ACE: variants seen among roughly 807,000 people sequenced by gnomAD.
ACE encodes the protein angiotensin I converting enzyme.
ACE carries 122 observed loss-of-function variants against 162.3 expected under a neutral mutation model. The ratio of observed to expected loss-of-function variants is 0.75; its 90% CI spans 0.65 to 0.87. ACE has a LOEUF of 0.87. Ranked by LOEUF, ACE falls within the 40% of genes least tolerant of loss-of-function variation. The pLI is 0.00. For missense variants in ACE, 1,799 were observed against 1,735.1 expected, an observed-to-expected ratio of 1.04 and a Z score of -0.65; for synonymous variants, 796 against 720.6, an observed-to-expected ratio of 1.10 and a Z score of -1.68.
chr17:63,494,437 A>C lies in ACE; in HGVS notation c.3347A>C (p.Lys1116Thr). ...CAAGGTGACTTTGACCCAGGGGCCA[A>C]GTTCCACATTCCTTCTAGCGTGCCT... ...RTQGDFDPGA[K>T]FHIPSSVPYI... Residue 1116 changes from lysine to threonine, a missense_variant, in exon 22 of 25, where the codon AAG becomes ACG. Physicochemically the swap from Lys to Thr is moderately conservative, Grantham distance 78. Coordinates refer to ENST00000290866, the MANE Select transcript of ACE (RefSeq NM_000789.4). 6.2e-7 allele frequency: 1 copy of C among 1,614,148 alleles called. No homozygotes were observed.
Position 63,483,568 on chromosome 17 carries a change from C to CCCCCA in ACE, c.1586+19_1586+23dup. The stretch of plus-strand genomic sequence containing the variant: ...TGACACCATACATCAGGTATTAGCG[C>CCCCCA]CCCCACCCCACCCACCCCCAGTACT... On this transcript the variant is annotated intron_variant, in intron 10 of 24. Transcript: ENST00000290866. The CCCCCA allele has an allele frequency of 6.3e-7, 1 of 1,585,844 alleles. No homozygotes were observed. The highest frequency in any genetic ancestry group is 8.6e-7 in the Non-Finnish European group (1 of 1,159,950).
intron 15 of ACE, among the ~76,000 whole-genome samples, chr17:63,487,940 G>T (rs4339): frequency 0.031 from 4,763 of 152,304 alleles, 262 homozygotes; most frequent in African/African-American, 0.1. Context: ...CATGCCAAGT[G>T]TGAGGGGAGG....
rs543017167 is a variant in ACE, at chr17:63,478,786, A to G, written c.418-221A>G. 8.2e-6 allele frequency: 5 copies of G among 608,812 alleles called. No homozygotes were observed. In the Admixed American group the frequency reaches 9.2e-5, roughly 11 times the overall value. 37.7% of individuals were successfully genotyped at this position (608,812 alleles called of 1,614,324 possible). A position where few individuals can be genotyped will look rare whatever the true frequency, so the allele number is the denominator to read the frequency against. ...GGACTTGACCCTGACCCTGACTTTC[A>G]GGACTCCTGTCCCCCACTCCACAGG... On this transcript the variant is annotated intron_variant, in intron 2 of 24. Transcript: ENST00000290866.
At chr17:63,477,510 C>T in intron 1 of ACE, 167 bp downstream of exon 1, 1 of 379,570 alleles carries the variant, frequency 2.6e-6, no homozygotes, top group Non-Finnish European at 3.7e-6. Context: ...GGGCTGCGCG[C>T]ACGGCCTGCG....
At chr17:63,481,496 G>A in intron 6 of ACE, 70 bp from the exon 7 acceptor site, 4 of 1,568,768 alleles carry the variant, frequency 2.5e-6, no homozygotes, top group Non-Finnish European at 3.5e-6. Flanking sequence ...CCCGAGATGG[G>A]GACCCCAGCC....
At chr17:63,486,837 G>C in intron 14 of ACE, 122 bp downstream of exon 14, 2 of 1,498,024 alleles carry the variant, frequency 1.3e-6, no homozygotes, top group Non-Finnish European at 1.9e-6. Flanking sequence ...CATCTGCCAT[G>C]CGATGTGCAC....
At chr17:63,478,982 G>A in intron 2 of ACE, 25 bp from the exon 3 acceptor site, 1 of 1,598,966 alleles carries the variant, frequency 6.3e-7, no homozygotes, top group South Asian at 1.1e-5. Context: ...GGTCACTGGA[G>A]CATTCCTCCC....
intron 13 of ACE, chr17:63,485,697 C>G (rs942364054): frequency 2.7e-6 from 1 of 368,094 alleles, no homozygotes; most frequent in African/African-American, 2.1e-5. Context: ...ATGGCATGAA[C>G]CCGGGAGGCA....
chr17:63,494,825 T>C (rs1172271409), intron 22 of ACE, among the ~76,000 whole-genome samples: 1 of 152,204 alleles, frequency 6.6e-6, no homozygotes, highest in Non-Finnish European at 1.5e-5. Context: ...GTGATTCTTT[T>C]ACTATTATTG....
At chr17:63,486,401 G>A (rs138131705) in intron 13 of ACE, 156 bp from the exon 14 acceptor site, 201 of 790,452 alleles carry the variant, frequency 2.5e-4, no homozygotes, top group Non-Finnish European at 3.7e-4. Flanking sequence ...CGTTATCAGC[G>A]TCCAGCTTGC....
rs967480228 is a variant in ACE, at chr17:63,497,753, G to A, written c.*387G>A. On this transcript the variant is annotated 3_prime_UTR_variant, in exon 25 of 25. Transcript: ENST00000290866. ...TCAGGAGCCGGGGAGGATCCCCAGAGCTCTGCCCCAGCACCTCCTGGCGCT... is the reference window on the plus strand; with the variant it reads ...TCAGGAGCCGGGGAGGATCCCCAGAACTCTGCCCCAGCACCTCCTGGCGCT... The A allele has an allele frequency of 5.9e-5, 24 of 410,210 alleles. No individual in the cohort carries two copies. The highest frequency in any genetic ancestry group is 6.5e-5 in the Non-Finnish European group (14 of 214,812). 25.4% of individuals were successfully genotyped at this position (410,210 alleles called of 1,614,324 possible). A position where few individuals can be genotyped will look rare whatever the true frequency, so the allele number is the denominator to read the frequency against.
intron 15 of ACE, 96 bp from the exon 16 acceptor site, chr17:63,488,552 T>TTTTTTTGAGA: frequency 3.5e-6 from 5 of 1,414,410 alleles, no homozygotes; most frequent in East Asian, 2.4e-5. Context: ...TTATGTGGTT[T>TTTTTTTGAGA]CGCCAATTTT....
At chr17:63,479,447 C>T (rs1568036085) in intron 3 of ACE, among the ~76,000 whole-genome samples, 1 of 152,164 alleles carries the variant, frequency 6.6e-6, no homozygotes, top group Non-Finnish European at 1.5e-5. Context: ...TTAAACCCCG[C>T]TCCAGCCCCC....
Position 63,494,477 on chromosome 17 carries a change from G to A in ACE, c.3380+7G>A, listed in dbSNP as rs778700621. On this transcript the variant is annotated splice_region_variant and intron_variant, in intron 22 of 24. Coordinates refer to ENST00000290866, the MANE Select transcript of ACE (RefSeq NM_000789.4). ...CTAGCGTGCCTTACATCAGGTAACG[G>A]GAAAGGCAGGAGGGCACATTGTGAG... 1 of 1,611,198 alleles carries A rather than the reference G, an allele frequency of 6.2e-7. No homozygotes were observed. The highest frequency in any genetic ancestry group is 1.7e-5 in the Admixed American group (1 of 59,862).
At chr17:63,482,851 G>T (rs150648336) in intron 8 of ACE, among the ~76,000 whole-genome samples, 162 bp downstream of exon 8, 1 of 152,032 alleles carries the variant, frequency 6.6e-6, no homozygotes, top group African/African-American at 2.4e-5. Flanking sequence ...TGCACACTGC[G>T]CCCAGCTCAG....
chr17:63,482,633 C>T lies in ACE; in HGVS notation c.1286C>T (p.Ser429Phe), dbSNP rs1430341434. The stretch of plus-strand genomic sequence containing the variant: ...GGGGACGTGCTGGCGCTCTCGGTCT[C>T]CACTCCTGAACATCTGCACAAAATC... ...AIGDVLALSV[S>F]TPEHLHKIGL... Residue 429 changes from serine (S) to phenylalanine (F), a missense_variant, in exon 8 of 25, where the codon TCC becomes TTC. Ser to Phe is a radical substitution (Grantham distance 155, BLOSUM62 -2). Coordinates refer to ENST00000290866, the MANE Select transcript of ACE (RefSeq NM_000789.4). The T allele has an allele frequency of 9.3e-6, 15 of 1,613,956 alleles. No individual in the cohort carries two copies. The highest frequency in any genetic ancestry group is 1.2e-5 in the Non-Finnish European group (14 of 1,180,010).
At chr17:63,497,056 ACCTCGG>A (rs758515357) in intron 24 of ACE, 71 bp downstream of exon 24, 195 of 1,580,024 alleles carry the variant, frequency 1.2e-4, no homozygotes, top group Non-Finnish European at 1.6e-4. Flanking sequence ...CATGCGGCTG[ACCTCGG>A]AGCCTGGCCC....
At position 63,484,036 on chromosome 17, in the gene ACE, G is replaced by A. The variant is rs1414258762; in HGVS notation, c.1709+65G>A. ...GAGCGGCTGGCAAAGGGTGTGGCAGGAGGTGTCTGGCTGCTCTGATGGGGT... is the reference window on the plus strand; with the variant it reads ...GAGCGGCTGGCAAAGGGTGTGGCAGAAGGTGTCTGGCTGCTCTGATGGGGT... On this transcript the variant is annotated intron_variant, in intron 11 of 24. Transcript: ENST00000290866. This position sits in a 1 kb window ranked among gnomAD's most constrained non-coding sequence, Gnocchi z 4.0. 7 of 1,549,860 alleles carry A rather than the reference G, an allele frequency of 4.5e-6. No homozygotes were observed. In the African/African-American group the frequency reaches 9.6e-5, roughly 21 times the overall value.
In ACE at chr17:63,487,057, C is replaced by T. The variant is rs2030001282; in HGVS notation, c.2289C>T (p.Cys763=). 1 of 1,613,546 alleles carries T rather than the reference C, an allele frequency of 6.2e-7. No homozygotes were observed. Among genetic ancestry groups the T allele is most frequent in the Middle Eastern group, 1.6e-4 (1 of 6,062 alleles). ...CTGTGTGCCACCCGAATGGCAGCTG[C>T]CTGCAGCTCGAGCCAGGTGAGAGCT... ...VATVCHPNGS[C]LQLEPDLTNV... The change falls in exon 15 of 25, where the codon TGC becomes TGT. Residue 763 remains cysteine, a synonymous_variant. Transcript: ENST00000290866.
Sources: allele counts gnomAD v4.1 joint callset (sites outside exome capture counted in the v4.1 genomes callset), GRCh38; gene constraint gnomAD v4.1.1; non-coding constraint Gnocchi (gnomAD v3.1); transcripts MANE v1.5; gene names NCBI Gene and HGNC (gene_info 2026-07-23, HGNC 2026-07-21).